PALM2AKAP2: variants seen among roughly 807,000 people sequenced by gnomAD.
The protein encoded by PALM2AKAP2 is PALM2-AKAP2 fusion protein.
In PALM2AKAP2, 37 loss-of-function variants were observed where a neutral mutation model predicts 71.5. The ratio of observed to expected loss-of-function variants is 0.52; its 90% CI spans 0.40 to 0.68. The LOEUF (loss-of-function observed/expected upper bound fraction) is 0.68, where lower values mean the gene tolerates loss of function less well. Among genes scored for constraint, PALM2AKAP2 ranks in the 30% least tolerant of loss-of-function variants. The pLI is 0.00. For synonymous variants in PALM2AKAP2, 468 were observed against 478.8 expected (o/e 0.98, Z 0.29); for missense variants, 1,224 against 1,191.8 (o/e 1.03, Z -0.40).
chr9:109,646,912 G>A (rs959742945), intron 1 of PALM2AKAP2, among the ~76,000 whole-genome samples: 3 of 152,300 alleles, frequency 2.0e-5, no homozygotes, highest in Middle Eastern at 3.4e-3. Flanking sequence ...TTAGAAATGT[G>A]TAAGACTTTT....
At chr9:109,808,089 T>A (rs3938519) in intron 1 of PALM2AKAP2, among the ~76,000 whole-genome samples, 92,414 of 152,006 alleles carry the variant, frequency 0.61, 29,508 homozygotes, top group African/African-American at 0.81. Flanking sequence ...TAGCAGTGTG[T>A]GAACAAACTA....
chr9:109,884,970 A>G (rs536145240), intron 3 of PALM2AKAP2, among the ~76,000 whole-genome samples: 2 of 152,214 alleles, frequency 1.3e-5, no homozygotes, highest in Admixed American at 6.5e-5. Context: ...CAGAACTTCA[A>G]GTGTATGTAG....
intron 1 of PALM2AKAP2, among the ~76,000 whole-genome samples, chr9:109,701,230 T>C (rs999197539): frequency 1.1e-4 from 16 of 152,146 alleles, no homozygotes; most frequent in African/African-American, 3.1e-4. Flanking sequence ...CTTCACAGAA[T>C]TGGAAAAAAC....
intron 6 of PALM2AKAP2, among the ~76,000 whole-genome samples, chr9:109,941,622 A>G (rs1472017161): frequency 1.3e-5 from 2 of 152,176 alleles, no homozygotes; most frequent in African/African-American, 4.8e-5. Context: ...GATAAAGGGC[A>G]CCTGGAGCCT....
intron 7 of PALM2AKAP2, among the ~76,000 whole-genome samples, chr9:110,030,130 C>G (rs911239750): frequency 2.6e-4 from 39 of 152,174 alleles, no homozygotes; most frequent in African/African-American, 9.4e-4. Flanking sequence ...GAGAAAATTA[C>G]ACACAATGGG....
intron 1 of PALM2AKAP2, among the ~76,000 whole-genome samples, chr9:110,135,164 A>AAAAAAATATATATATATATATATATATAT: frequency 1.9e-4 from 10 of 51,716 alleles, no homozygotes; most frequent in East Asian, 1.3e-3. Context: ...AAAAAAAAAA[A>AAAAAAATATATATATATATATATATATAT]ATATATAAAT....
chr9:109,867,653 C>T (rs770029716), intron 2 of PALM2AKAP2, 82 bp downstream of exon 2: 344 of 1,462,548 alleles, frequency 2.4e-4, no homozygotes, highest in South Asian at 4.0e-4. Context: ...CCTGCCCTGC[C>T]GTGAAGGCGC....
chr9:109,949,346 A>G (rs1233733170), intron 6 of PALM2AKAP2, among the ~76,000 whole-genome samples: 1 of 152,152 alleles, frequency 6.6e-6, no homozygotes, highest in Non-Finnish European at 1.5e-5. Context: ...AAAGCAAGAG[A>G]GATGGACTCA....
At chr9:109,667,604 A>G (rs1336771546) in intron 1 of PALM2AKAP2, among the ~76,000 whole-genome samples, 10 of 152,158 alleles carry the variant, frequency 6.6e-5, no homozygotes, top group Admixed American at 6.5e-4. Flanking sequence ...AGCCTGGCCA[A>G]CATGGTGAAA....
At chr9:109,832,220 C>T (rs1318284811) in intron 1 of PALM2AKAP2, among the ~76,000 whole-genome samples, 2 of 152,356 alleles carry the variant, frequency 1.3e-5, no homozygotes, top group South Asian at 2.1e-4. Flanking sequence ...AGAAGTGTTC[C>T]AGGCGTAAGG....
chr9:110,112,122 G>C (rs1835267291), intron 1 of PALM2AKAP2, among the ~76,000 whole-genome samples: 1 of 151,914 alleles, frequency 6.6e-6, no homozygotes, highest in Non-Finnish European at 1.5e-5. Flanking sequence ...CACTCACCTG[G>C]AGTATTTAGA....
intron 1 of PALM2AKAP2, among the ~76,000 whole-genome samples, chr9:110,112,958 A>G (rs1050514333): frequency 1.3e-5 from 2 of 152,250 alleles, no homozygotes; most frequent in African/African-American, 4.8e-5. Flanking sequence ...CCTCATCATC[A>G]ACTAAAGTTG....
chr9:109,647,127 A>G (rs1389038276), intron 1 of PALM2AKAP2, among the ~76,000 whole-genome samples: 2 of 152,168 alleles, frequency 1.3e-5, no homozygotes, highest in Non-Finnish European at 2.9e-5. Context: ...ATATATATAT[A>G]TAGGTTTAAA....
chr9:110,150,896 T>C (rs566682220), intron 2 of PALM2AKAP2, among the ~76,000 whole-genome samples: 1 of 152,342 alleles, frequency 6.6e-6, no homozygotes, highest in East Asian at 1.9e-4. Flanking sequence ...CTCATGACCT[T>C]AACCATTCCT....
intron 1 of PALM2AKAP2, among the ~76,000 whole-genome samples, chr9:109,733,479 G>A (rs1448269979): frequency 5.3e-5 from 8 of 152,130 alleles, no homozygotes; most frequent in African/African-American, 7.2e-5. Context: ...TGGAACACAC[G>A]TGGAAATACC....
At chr9:109,717,821 T>C (rs1178715973) in intron 1 of PALM2AKAP2, among the ~76,000 whole-genome samples, 11 of 152,206 alleles carry the variant, frequency 7.2e-5, no homozygotes, top group Admixed American at 5.9e-4. Flanking sequence ...TCATGGAGTT[T>C]GCCTTGTGCA....
intron 6 of PALM2AKAP2, among the ~76,000 whole-genome samples, chr9:109,953,760 G>C (rs934583787): frequency 9.3e-5 from 14 of 151,094 alleles, no homozygotes; most frequent in African/African-American, 3.2e-4. Context: ...GCTTGAACCT[G>C]GGAGGTGGAG....
At chr9:109,655,456 A>G (rs912227702) in intron 1 of PALM2AKAP2, among the ~76,000 whole-genome samples, 6 of 152,188 alleles carry the variant, frequency 3.9e-5, no homozygotes, top group African/African-American at 1.2e-4. Flanking sequence ...TATACATAGC[A>G]TAAAATTTAC....
intron 1 of PALM2AKAP2, among the ~76,000 whole-genome samples, chr9:109,806,104 G>A (rs774742807): frequency 5.3e-5 from 8 of 152,158 alleles, no homozygotes; most frequent in Non-Finnish European, 7.3e-5. Flanking sequence ...TTTTCCTGAT[G>A]CCATGGATTT....
Sources: gnomAD v4.1 joint callset for allele counts (sites outside exome capture counted in the v4.1 genomes callset) on GRCh38, gnomAD v4.1.1 for gene constraint, MANE v1.5 for transcripts, NCBI Gene and HGNC (gene_info 2026-07-23, HGNC 2026-07-21) for gene names.